B3GALT1: variants seen among roughly 807,000 people sequenced by gnomAD.
B3GALT1 encodes beta-1,3-galactosyltransferase 1.
Under a neutral mutation model 23.2 loss-of-function variants are expected in B3GALT1, and 10 were observed. That is an observed-to-expected ratio of 0.43 (90% confidence interval 0.27 to 0.73). The LOEUF is 0.73. B3GALT1 is among the 30% of genes least tolerant of loss of function. The pLI is 0.21. For missense variants in B3GALT1, 299 were observed against 405.4 expected (o/e 0.74, Z 2.25); for synonymous variants, 156 against 141.5 (o/e 1.10, Z -0.73).
At chr2:167,673,000 G>T (rs1442847305) in intron 3 of B3GALT1, among the ~76,000 whole-genome samples, 1 of 149,914 alleles carries the variant, frequency 6.7e-6, no homozygotes. Context: ...GTGGGAGGGG[G>T]GTATCTGGGG....
At chr2:167,645,553 ATTTTTTTTTTT>A (rs1195110974) in intron 2 of B3GALT1, among the ~76,000 whole-genome samples, 1 of 87,046 alleles carries the variant, frequency 1.1e-5, no homozygotes, top group African/African-American at 4.7e-5. Context: ...ACTGCCAATA[ATTTTTTTTTTT>A]TTTTTTTTTT....
chr2:167,496,749 A>G (rs1309116952), intron 2 of B3GALT1, among the ~76,000 whole-genome samples: 1 of 152,198 alleles, frequency 6.6e-6, no homozygotes, highest in Admixed American at 6.5e-5. Flanking sequence ...TCATGAAGGT[A>G]GAACCCTCAG....
intron 2 of B3GALT1, among the ~76,000 whole-genome samples, chr2:167,500,248 G>C (rs1383856926): frequency 6.6e-6 from 1 of 152,064 alleles, no homozygotes; most frequent in Non-Finnish European, 1.5e-5. Context: ...AACCAGATGG[G>C]CTTATTTATC....
intron 2 of B3GALT1, among the ~76,000 whole-genome samples, chr2:167,556,762 A>G (rs1242519206): frequency 6.6e-6 from 1 of 152,216 alleles, no homozygotes; most frequent in East Asian, 1.9e-4. Context: ...TCATAGAGGA[A>G]TGAACATTCT....
intron 1 of B3GALT1, among the ~76,000 whole-genome samples, chr2:167,337,359 ACACT>A (rs960985926): frequency 1.3e-5 from 2 of 151,984 alleles, no homozygotes; most frequent in African/African-American, 4.8e-5. Context: ...TCACACACAC[ACACT>A]CTCACACCAT....
chr2:167,387,690 T>C (rs1191641241), intron 1 of B3GALT1, among the ~76,000 whole-genome samples: 1 of 152,216 alleles, frequency 6.6e-6, no homozygotes, highest in Non-Finnish European at 1.5e-5. Context: ...AGTGAAATCA[T>C]AGAATGTGCT....
intron 3 of B3GALT1, among the ~76,000 whole-genome samples, chr2:167,792,278 C>T (rs1469181492): frequency 2.0e-5 from 3 of 152,186 alleles, no homozygotes; most frequent in African/African-American, 4.8e-5. Context: ...TCACAATGTA[C>T]TTGTTAAGCA....
At chr2:167,674,845 TTGTG>T (rs2105486987) in intron 3 of B3GALT1, among the ~76,000 whole-genome samples, 1 of 152,354 alleles carries the variant, frequency 6.6e-6, no homozygotes, top group South Asian at 2.1e-4. Flanking sequence ...AGTTGCATAT[TTGTG>T]ATATGTATAT....
At chr2:167,704,429 A>G (rs1686938951) in intron 3 of B3GALT1, among the ~76,000 whole-genome samples, 1 of 152,154 alleles carries the variant, frequency 6.6e-6, no homozygotes, top group African/African-American at 2.4e-5. Context: ...GAGATCATCT[A>G]ACCTTCCTAA....
At chr2:167,787,937 G>C (rs936146653) in intron 3 of B3GALT1, among the ~76,000 whole-genome samples, 3 of 152,146 alleles carry the variant, frequency 2.0e-5, no homozygotes, top group African/African-American at 7.2e-5. Context: ...GCCAGCATTT[G>C]GGCAACTTCC....
intron 3 of B3GALT1, among the ~76,000 whole-genome samples, chr2:167,670,619 G>A (rs113187416): frequency 0.017 from 2,588 of 152,194 alleles, 77 homozygotes; most frequent in African/African-American, 0.06. Context: ...TTTTAAGAAA[G>A]TTTAGCAAGC....
chr2:167,750,621 GTGTCATATGAC>G (rs1423001901), intron 3 of B3GALT1, among the ~76,000 whole-genome samples: 1 of 151,246 alleles, frequency 6.6e-6, no homozygotes, highest in African/African-American at 2.4e-5. Context: ...GTCCCCTCAG[GTGTCATATGAC>G]TAATCATGAA....
chr2:167,565,557 A>G (rs1684143682), intron 2 of B3GALT1, among the ~76,000 whole-genome samples: 1 of 152,252 alleles, frequency 6.6e-6, no homozygotes, highest in African/African-American at 2.4e-5. Flanking sequence ...AACTACCATC[A>G]GAGTGAACAG....
chr2:167,395,226 A>G (rs779055783), intron 1 of B3GALT1, among the ~76,000 whole-genome samples: 3 of 152,100 alleles, frequency 2.0e-5, no homozygotes, highest in Non-Finnish European at 4.4e-5. Flanking sequence ...TTCATGTTCT[A>G]GATCCTGAAA....
At chr2:167,614,417 A>G (rs1395377388) in intron 2 of B3GALT1, among the ~76,000 whole-genome samples, 2 of 151,868 alleles carry the variant, frequency 1.3e-5, no homozygotes, top group Non-Finnish European at 2.9e-5. Flanking sequence ...AACTGAATGG[A>G]AAGTCTAAAT....
At chr2:167,842,675 A>T (rs1002190064) in intron 4 of B3GALT1, among the ~76,000 whole-genome samples, 5 of 152,188 alleles carry the variant, frequency 3.3e-5, no homozygotes, top group Non-Finnish European at 7.4e-5. Flanking sequence ...GGAATTTGAG[A>T]CCAGCCTGGG....
rs146420867 is a variant in B3GALT1, at chr2:167,312,490, C to T, written c.-511+19156C>T. Among the ~76,000 whole-genome samples, 965 of 151,790 alleles carry T rather than the reference C, an allele frequency of 6.4e-3. 9 individuals carry two copies. Among genetic ancestry groups the T allele is most frequent in the African/African-American group, 0.022 (903 of 41,440 alleles). ...AAAAATAGACAAGAAGTAAAATGCT[C>T]AGTACAAAGAACACTCAGTCTAAAA... On this transcript the variant is annotated intron_variant, in intron 1 of 4. Transcript: ENST00000392690.
At chr2:167,663,635 T>A (rs1686113753) in intron 3 of B3GALT1, among the ~76,000 whole-genome samples, 1 of 149,712 alleles carries the variant, frequency 6.7e-6, no homozygotes, top group African/African-American at 2.5e-5. Context: ...GTTTCCTGAC[T>A]TTTTAATGAT....
intron 2 of B3GALT1, among the ~76,000 whole-genome samples, chr2:167,621,320 T>C (rs1302830686): frequency 1.3e-5 from 2 of 151,912 alleles, no homozygotes; most frequent in Non-Finnish European, 2.9e-5. Context: ...TCCTAAGTTC[T>C]AGTGATCCTT....
Sources: gnomAD v4.1 joint callset for allele counts (sites outside exome capture counted in the v4.1 genomes callset) on GRCh38, gnomAD v4.1.1 for gene constraint, MANE v1.5 for transcripts, NCBI Gene and HGNC (gene_info 2026-07-23, HGNC 2026-07-21) for gene names.